The following DMD variants were observed in gnomAD, a reference collection of about 807,000 sequenced individuals.
The protein encoded by DMD is dystrophin.
A neutral mutation model predicts 330.1 loss-of-function variants in DMD; 63 were observed. The ratio of observed to expected loss-of-function variants is 0.19; its 90% CI spans 0.16 to 0.24. The LOEUF is 0.24. Among genes scored for constraint, DMD ranks in the 10% least tolerant of loss-of-function variants. DMD has a pLI of 1.00. For missense variants in DMD, 3,344 were observed against 2,684.1 expected (o/e 1.25, Z -5.43); for synonymous variants, 1,223 against 959.8 (o/e 1.27, Z -5.07).
intron 43 of DMD, among the ~76,000 whole-genome samples, chrX:32,248,205 G>C (rs2097249415): frequency 9.0e-6 from 1 of 111,383 alleles, no homozygotes; most frequent in African/African-American, 3.3e-5. Flanking sequence ...CACTGTAAAT[G>C]CTCAGGTACA....
intron 1 of DMD, among the ~76,000 whole-genome samples, chrX:33,159,760 C>G (rs1346447618): frequency 1.8e-5 from 2 of 111,708 alleles, no homozygotes; most frequent in Non-Finnish European, 3.8e-5. Context: ...GTACATGTGT[C>G]TTTATAGTAG....
intron 55 of DMD, among the ~76,000 whole-genome samples, chrX:31,510,601 A>G (rs989036204): frequency 9.0e-5 from 9 of 99,682 alleles, no homozygotes; most frequent in East Asian, 3.1e-4. Flanking sequence ...TCCGCCTCCC[A>G]GGTTCACGCC....
chrX:32,733,218 C>T (rs1456251577), intron 7 of DMD, among the ~76,000 whole-genome samples: 2 of 111,190 alleles, frequency 1.8e-5, no homozygotes, highest in Non-Finnish European at 3.8e-5. Context: ...GCTAACTATC[C>T]TAAATATATA....
intron 60 of DMD, among the ~76,000 whole-genome samples, chrX:31,412,426 A>C (rs1234183196): frequency 8.9e-6 from 1 of 111,986 alleles, no homozygotes; most frequent in Non-Finnish European, 1.9e-5. Context: ...AAATATAATC[A>C]TGGGACAAAG....
At chrX:31,491,058 A>C (rs2069252024) in intron 57 of DMD, among the ~76,000 whole-genome samples, 1 of 112,569 alleles carries the variant, frequency 8.9e-6, no homozygotes, top group South Asian at 3.7e-4. Flanking sequence ...AATCTTAACC[A>C]GAAAATCTCG....
chrX:31,427,523 T>C lies in DMD; in HGVS notation c.9084+16958A>G, dbSNP rs544099101. ...ACTAATGTAGTCACTGATAAAATAC[T>C]GAACTGAACTTCATGCAAAAGTGAT... On this transcript the variant is annotated intron_variant, in intron 60 of 78. Coordinates refer to ENST00000357033, the MANE Select transcript of DMD (RefSeq NM_004006.3). Among the ~76,000 whole-genome samples the C allele has an allele frequency of 1.5e-4, 17 of 112,155 alleles. No homozygotes were observed. In the South Asian group the frequency reaches 6.2e-3, roughly 41 times the overall value.
At chrX:33,272,008 C>T (rs1272085816) in intron 1 of DMD, among the ~76,000 whole-genome samples, 3 of 109,508 alleles carry the variant, frequency 2.7e-5, no homozygotes, top group Non-Finnish European at 5.7e-5. Flanking sequence ...CTCAGCCTCC[C>T]TAGTAGCTGG....
chrX:32,480,039 T>C (rs144373962), intron 21 of DMD, among the ~76,000 whole-genome samples: 1,164 of 110,927 alleles, frequency 0.01, 7 homozygotes, highest in African/African-American at 0.036. Context: ...CCAAAATATA[T>C]AGAAACCTCA....
chrX:32,744,018 C>T (rs1461637743), intron 7 of DMD, among the ~76,000 whole-genome samples: 1 of 110,899 alleles, frequency 9.0e-6, no homozygotes, highest in East Asian at 2.8e-4. Context: ...TTTAGCTAGA[C>T]TATTTACCCT....
chrX:32,041,439 A>G (rs1271698165), intron 44 of DMD, among the ~76,000 whole-genome samples: 1 of 112,247 alleles, frequency 8.9e-6, no homozygotes, highest in Admixed American at 9.4e-5. Context: ...GTGGCTTGAG[A>G]CATAAGTATC....
At chrX:32,458,642 T>C (rs1239142756) in intron 25 of DMD, among the ~76,000 whole-genome samples, 1 of 111,476 alleles carries the variant, frequency 9.0e-6, no homozygotes, top group Non-Finnish European at 1.9e-5. Context: ...TTCTCCACAT[T>C]CTTGCCAACA....
chrX:32,779,793 C>T (rs2074537102), intron 7 of DMD, among the ~76,000 whole-genome samples: 1 of 107,367 alleles, frequency 9.3e-6, no homozygotes, highest in African/African-American at 3.4e-5. Flanking sequence ...GGGTGCAGCA[C>T]ACCAACATGG....
At chrX:31,891,620 G>A (rs754329701) in intron 47 of DMD, among the ~76,000 whole-genome samples, 26 of 112,091 alleles carry the variant, frequency 2.3e-4, no homozygotes, top group South Asian at 7.4e-4. Context: ...AAATTGTCAC[G>A]GGACACAGCC....
chrX:32,315,089 G>A (rs1363553803), intron 41 of DMD, among the ~76,000 whole-genome samples: 2 of 111,734 alleles, frequency 1.8e-5, no homozygotes, highest in Non-Finnish European at 3.8e-5. Flanking sequence ...ACATGCACAC[G>A]TATGTTTATT....
intron 70 of DMD, chrX:31,178,189 A>G (rs1404847026): frequency 8.0e-6 from 6 of 752,347 alleles, no homozygotes; most frequent in Non-Finnish European, 1.6e-6. Flanking sequence ...AAAAGAGGTG[A>G]AGACGTCCCC....
intron 50 of DMD, among the ~76,000 whole-genome samples, chrX:31,809,553 T>C: frequency 9.0e-6 from 1 of 110,930 alleles, no homozygotes; most frequent in Non-Finnish European, 1.9e-5. Flanking sequence ...GTTTGTCTAA[T>C]GAACTCAGCA....
chrX:31,622,729 C>A (rs912787244), intron 55 of DMD, among the ~76,000 whole-genome samples: 21 of 107,744 alleles, frequency 1.9e-4, no homozygotes, highest in African/African-American at 5.4e-4. Context: ...ACCCACCCCC[C>A]AAAAAAGAAA....
At chrX:32,941,506 A>T (rs1158641445) in intron 2 of DMD, among the ~76,000 whole-genome samples, 2 of 111,425 alleles carry the variant, frequency 1.8e-5, no homozygotes, top group African/African-American at 6.5e-5. Context: ...AGCAACACAG[A>T]TGCAGCTGTG....
intron 44 of DMD, among the ~76,000 whole-genome samples, chrX:32,063,887 T>C (rs571942406): frequency 1.8e-5 from 2 of 111,411 alleles, no homozygotes; most frequent in South Asian, 7.3e-4. Flanking sequence ...TCATCTGATA[T>C]GATGGATGCT....
Sources: gnomAD v4.1 joint callset for allele counts (sites outside exome capture counted in the v4.1 genomes callset) on GRCh38, gnomAD v4.1.1 for gene constraint, MANE v1.5 for transcripts, NCBI Gene and HGNC (gene_info 2026-07-23, HGNC 2026-07-21) for gene names.